Variants in RNF2 observed in about 807,000 individuals in gnomAD.
RNF2 encodes the protein ring finger protein 2.
RNF2 carries 6 observed loss-of-function variants against 37.2 expected under a neutral mutation model. The observed-to-expected ratio is 0.16, with a 90% CI of 0.09 to 0.32. The LOEUF (loss-of-function observed/expected upper bound fraction) is 0.32. Ranked by LOEUF, RNF2 falls within the 10% of genes least tolerant of loss-of-function variation. The pLI, the probability that RNF2 is intolerant of heterozygous loss-of-function variation, is 1.00. For synonymous variants in RNF2, 133 were observed against 132.7 expected, an observed-to-expected ratio of 1.00 and a Z score of -0.02; for missense variants, 251 against 404.0, an observed-to-expected ratio of 0.62 and a Z score of 3.25.
chr1:185,075,440 A>G (rs1161063177), intron 1 of RNF2, among the ~76,000 whole-genome samples: 7 of 152,192 alleles, frequency 4.6e-5, no homozygotes, highest in South Asian at 2.1e-4. Flanking sequence ...AACTTTGCCA[A>G]TGGTTCGACA....
At chr1:185,082,846 C>G (rs1371011023) in intron 1 of RNF2, among the ~76,000 whole-genome samples, 1 of 152,112 alleles carries the variant, frequency 6.6e-6, no homozygotes, top group Non-Finnish European at 1.5e-5. Context: ...AAATGAACAG[C>G]AAGTAACAAG....
At chr1:185,046,004 G>C (rs976240326) in intron 1 of RNF2, 4 of 152,046 alleles carry the variant, frequency 2.6e-5, no homozygotes, top group Non-Finnish European at 4.4e-5. Context: ...CTCGCCTCCG[G>C]GGGCGGGGGC....
chr1:185,101,429 A>T lies in RNF2; in HGVS notation c.*1128A>T, dbSNP rs1012689843. On this transcript the variant is annotated 3_prime_UTR_variant, in exon 7 of 7. Transcript: ENST00000367510. Reference sequence around the variant, plus strand: ...ATAATTCTGTAGAAAAACGTCAGCCAGTAGGGTAAAGTCATTCTACTGTTC... The same window carrying T: ...ATAATTCTGTAGAAAAACGTCAGCCTGTAGGGTAAAGTCATTCTACTGTTC... The T allele has an allele frequency of 5.2e-5, 8 of 152,562 alleles. No individual in the cohort carries two copies. Among genetic ancestry groups the T allele is most frequent in the Admixed American group, 2.0e-4 (3 of 15,272 alleles). 9.5% of individuals were successfully genotyped at this position (152,562 alleles called of 1,614,324 possible).
chr1:185,083,500 G>A (rs536671985), intron 1 of RNF2, among the ~76,000 whole-genome samples: 2 of 152,030 alleles, frequency 1.3e-5, no homozygotes, highest in South Asian at 4.2e-4. Context: ...TCCACTCTTC[G>A]CTTTCTCTCT....
chr1:185,094,549 A>G (rs962777081), intron 4 of RNF2, among the ~76,000 whole-genome samples: 6 of 152,080 alleles, frequency 3.9e-5, no homozygotes, highest in African/African-American at 7.2e-5. Flanking sequence ...GGCCACAACA[A>G]TCTTTCATTT....
chr1:185,076,585 C>T lies in RNF2; in HGVS notation c.-2-10967C>T, dbSNP rs527476214. Among the ~76,000 whole-genome samples, 12 of 149,582 alleles carry T rather than the reference C, an allele frequency of 8.0e-5. No homozygotes were observed. In the South Asian group the frequency reaches 2.3e-3, roughly 29 times the overall value. On this transcript the variant is annotated intron_variant, in intron 1 of 6. Coordinates refer to ENST00000367510, the MANE Select transcript of RNF2 (RefSeq NM_007212.4). ...ACAGGGGTGAGCCACTGCGCCCGGCCTTATTTTATGGTTTTTTTTTTTATG... is the reference window on the plus strand; with the variant it reads ...ACAGGGGTGAGCCACTGCGCCCGGCTTTATTTTATGGTTTTTTTTTTTATG...
chr1:185,094,385 C>T (rs1391076882), intron 4 of RNF2, among the ~76,000 whole-genome samples: 1 of 152,152 alleles, frequency 6.6e-6, no homozygotes, highest in South Asian at 2.1e-4. Context: ...TTGTGATCTG[C>T]CTGCCTCGGC....
At chr1:185,071,694 C>T in intron 1 of RNF2, 1 of 169,480 alleles carries the variant, frequency 5.9e-6, no homozygotes, top group Admixed American at 5.9e-5. Flanking sequence ...CCTGCTCATT[C>T]AGGTAATGCA....
intron 1 of RNF2, among the ~76,000 whole-genome samples, chr1:185,057,428 T>C (rs960567908): frequency 5.9e-5 from 9 of 152,344 alleles, no homozygotes; most frequent in Middle Eastern, 6.8e-3. Context: ...AATCATTTCA[T>C]TGTGGTTCGT....
intron 1 of RNF2, among the ~76,000 whole-genome samples, chr1:185,046,729 G>C (rs1231994107): frequency 3.9e-5 from 6 of 152,100 alleles, no homozygotes; most frequent in Non-Finnish European, 8.8e-5. Context: ...AAAAATTAAG[G>C]CATGGTTTCA....
At chr1:185,065,380 C>G (rs188509934) in intron 1 of RNF2, among the ~76,000 whole-genome samples, 34 of 152,346 alleles carry the variant, frequency 2.2e-4, no homozygotes, top group African/African-American at 6.7e-4. Flanking sequence ...GCCCCAGTGG[C>G]AGCCTTCTCT....
intron 3 of RNF2, among the ~76,000 whole-genome samples, chr1:185,092,851 G>A (rs370623118): frequency 3.3e-5 from 5 of 151,824 alleles, no homozygotes; most frequent in South Asian, 2.1e-4. Flanking sequence ...TTTTTCTTTC[G>A]ACGAGTGGTA....
At chr1:185,067,728 T>C (rs1650839443) in intron 1 of RNF2, among the ~76,000 whole-genome samples, 6 of 137,674 alleles carry the variant, frequency 4.4e-5, no homozygotes, top group Admixed American at 4.3e-4. Flanking sequence ...TTTTTTTTTT[T>C]GAGACGGAGT....
intron 1 of RNF2, among the ~76,000 whole-genome samples, chr1:185,050,006 A>G (rs1264151986): frequency 1.3e-5 from 2 of 152,188 alleles, no homozygotes; most frequent in Non-Finnish European, 2.9e-5. Flanking sequence ...GGAGTTGATG[A>G]AATATAGTTG....
chr1:185,099,582 A>G (rs960266249), intron 5 of RNF2, among the ~76,000 whole-genome samples: 8 of 152,168 alleles, frequency 5.3e-5, no homozygotes, highest in African/African-American at 1.9e-4. Context: ...ACCTGACAGT[A>G]AGATATTGAG....
intron 1 of RNF2, among the ~76,000 whole-genome samples, chr1:185,073,676 C>A (rs979474579): frequency 2.0e-5 from 3 of 152,172 alleles, no homozygotes; most frequent in Non-Finnish European, 2.9e-5. Flanking sequence ...CTGTTACTTA[C>A]AAGGAATGCA....
chr1:185,073,894 A>G (rs1323645051), intron 1 of RNF2, among the ~76,000 whole-genome samples: 1 of 152,222 alleles, frequency 6.6e-6, no homozygotes. Context: ...TACGCTACTC[A>G]GAGTGAGTGC....
At chr1:185,058,314 T>C (rs1310217093) in intron 1 of RNF2, among the ~76,000 whole-genome samples, 1 of 152,146 alleles carries the variant, frequency 6.6e-6, no homozygotes, top group African/African-American at 2.4e-5. Context: ...TTTTGGTGTC[T>C]GTGGTGTGCG....
chr1:185,067,028 A>G (rs956419848), intron 1 of RNF2, among the ~76,000 whole-genome samples: 1 of 152,244 alleles, frequency 6.6e-6, no homozygotes, highest in African/African-American at 2.4e-5. Flanking sequence ...CTAGTATTCA[A>G]AAACTTAAGA....
Sources: gnomAD v4.1 joint callset for allele counts (sites outside exome capture counted in the v4.1 genomes callset) on GRCh38, gnomAD v4.1.1 for gene constraint, MANE v1.5 for transcripts, NCBI Gene and HGNC (gene_info 2026-07-23, HGNC 2026-07-21) for gene names.